Variants in SLC38A1 observed in about 807,000 individuals in gnomAD.
SLC38A1 encodes solute carrier family 38 member 1.
In SLC38A1, 18 loss-of-function variants were observed where a neutral mutation model predicts 60.3. The ratio of observed to expected loss-of-function variants is 0.30; its 90% confidence interval spans 0.21 to 0.44. The LOEUF is 0.44. SLC38A1 is among the 20% of genes least tolerant of loss of function. SLC38A1 has a pLI of 1.00. For synonymous variants in SLC38A1, 196 were observed against 212.1 expected, an observed-to-expected ratio of 0.92 and a Z score of 0.66; for missense variants, 448 against 587.2, an observed-to-expected ratio of 0.76 and a Z score of 2.45.
At chr12:46,204,949 C>T (rs955808194) in intron 9 of SLC38A1, among the ~76,000 whole-genome samples, 1 of 152,196 alleles carries the variant, frequency 6.6e-6, no homozygotes, top group Non-Finnish European at 1.5e-5. Context: ...CTGATGGAGT[C>T]CTATGGGCAA....
chr12:46,204,612 A>T (rs568271324), intron 9 of SLC38A1, 22 bp from the exon 10 acceptor site: 2 of 1,563,106 alleles, frequency 1.3e-6, no homozygotes, highest in Admixed American at 3.9e-5. Flanking sequence ...AGTAAAAAAT[A>T]AATTATTTCA....
intron 3 of SLC38A1, among the ~76,000 whole-genome samples, chr12:46,235,649 A>G (rs566312816): frequency 6.6e-6 from 1 of 152,346 alleles, no homozygotes; most frequent in East Asian, 1.9e-4. Flanking sequence ...CCTAAGGTAT[A>G]GAAAACATAG....
rs557554265 is a variant in SLC38A1, at chr12:46,198,259, T to C, written c.1123-199A>G. Among the ~76,000 whole-genome samples, 3 of 146,338 alleles carry C rather than the reference T, an allele frequency of 2.1e-5. No homozygotes were observed. The South Asian group carries it at 6.4e-4, about 31-fold the overall frequency. On this transcript the variant is annotated intron_variant, in intron 14 of 16. Coordinates refer to ENST00000398637, the MANE Select transcript of SLC38A1 (RefSeq NM_030674.4). ...GGAAAGTATTTTTATTTATGAGTAG[T>C]AGAGTTTTCTTGTTGGGGGGTGTAA...
intron 1 of SLC38A1, among the ~76,000 whole-genome samples, chr12:46,253,680 C>A (rs776574357): frequency 1.6e-4 from 24 of 152,180 alleles, no homozygotes; most frequent in Non-Finnish European, 3.2e-4. Context: ...TCTGGAAATG[C>A]AGCTCAGTGG....
intron 6 of SLC38A1, 98 bp from the exon 7 acceptor site, chr12:46,207,719 C>CT: frequency 8.6e-7 from 1 of 1,157,938 alleles, no homozygotes; most frequent in Non-Finnish European, 1.3e-6. Context: ...CCCCAAGTTA[C>CT]TATGTGCCTT....
intron 16 of SLC38A1, among the ~76,000 whole-genome samples, chr12:46,194,408 T>G (rs1939277618): frequency 6.6e-6 from 1 of 152,134 alleles, no homozygotes; most frequent in African/African-American, 2.4e-5. Flanking sequence ...GACAATTATG[T>G]GTCTTGGGGT....
chr12:46,208,181 C>T (rs1939993756), intron 6 of SLC38A1, among the ~76,000 whole-genome samples: 1 of 152,204 alleles, frequency 6.6e-6, no homozygotes, highest in African/African-American at 2.4e-5. Flanking sequence ...ATACATGCAA[C>T]TCACAAAAGA....
chr12:46,189,589 A>C (rs377707449), intron 16 of SLC38A1, among the ~76,000 whole-genome samples: 2 of 152,302 alleles, frequency 1.3e-5, no homozygotes, highest in African/African-American at 4.8e-5. Flanking sequence ...AGGGCTGATG[A>C]AGGCCATAGG....
chr12:46,186,394 G>A lies in SLC38A1; in HGVS notation c.*2576C>T, dbSNP rs1431897000. On this transcript the variant is annotated 3_prime_UTR_variant, in exon 17 of 17. Transcript: ENST00000398637. Reference sequence around the variant, plus strand: ...AAAACGTGCTGCTCCCCATGCCTAGGGTATAGTATTCTTTAATCTACTAAT... The same window carrying A: ...AAAACGTGCTGCTCCCCATGCCTAGAGTATAGTATTCTTTAATCTACTAAT... The A allele has an allele frequency of 6.6e-6, 1 of 152,044 alleles. No homozygotes were observed. Among genetic ancestry groups the A allele is most frequent in the African/African-American group, 2.4e-5 (1 of 41,384 alleles). 9.4% of individuals were successfully genotyped at this position (152,044 alleles called of 1,614,324 possible).
At chr12:46,227,619 A>G (rs932189164) in intron 5 of SLC38A1, among the ~76,000 whole-genome samples, 2 of 152,210 alleles carry the variant, frequency 1.3e-5, no homozygotes, top group African/African-American at 2.4e-5. Flanking sequence ...ACACTAGGTT[A>G]ATTTATAACT....
At chr12:46,250,559 C>T (rs1168842912) in intron 1 of SLC38A1, among the ~76,000 whole-genome samples, 1 of 152,214 alleles carries the variant, frequency 6.6e-6, no homozygotes, top group East Asian at 1.9e-4. Flanking sequence ...TCCCTATTTG[C>T]AGATGACATG....
chr12:46,195,128 T>A (rs1290025605), intron 16 of SLC38A1, among the ~76,000 whole-genome samples: 2 of 152,222 alleles, frequency 1.3e-5, no homozygotes, highest in Non-Finnish European at 2.9e-5. Context: ...TTGGTGTGGA[T>A]GTCCTTTTTG....
intron 5 of SLC38A1, among the ~76,000 whole-genome samples, chr12:46,211,313 T>C (rs1041181649): frequency 6.6e-6 from 1 of 152,198 alleles, no homozygotes; most frequent in South Asian, 2.1e-4. Context: ...TCTACTCTGC[T>C]AGGACCAAAG....
At chr12:46,208,928 T>A in intron 6 of SLC38A1, 126 bp downstream of exon 6, 1 of 688,826 alleles carries the variant, frequency 1.5e-6, no homozygotes. Flanking sequence ...CCAATCACTC[T>A]AGGTCAAAAT....
In SLC38A1 at chr12:46,188,938, A is replaced by T; in HGVS notation, c.*32T>A. Reference sequence around the variant, plus strand: ...GATGTGTGGGGACTTGACTGAGCAGACAACAGGGATGTTTCTTTTTCTCGG... The same window carrying T: ...GATGTGTGGGGACTTGACTGAGCAGTCAACAGGGATGTTTCTTTTTCTCGG... On this transcript the variant is annotated 3_prime_UTR_variant, in exon 17 of 17. Coordinates refer to ENST00000398637, the MANE Select transcript of SLC38A1 (RefSeq NM_030674.4). The T allele has an allele frequency of 6.3e-7, 1 of 1,579,098 alleles. No individual in the cohort carries two copies. The highest frequency in any genetic ancestry group is 1.7e-4 in the Middle Eastern group (1 of 5,984).
At chr12:46,207,115 A>G in intron 8 of SLC38A1, 40 bp downstream of exon 8, 1 of 1,354,250 alleles carries the variant, frequency 7.4e-7, no homozygotes, top group Non-Finnish European at 1.0e-6. Context: ...TAAATTAAAA[A>G]CATTTTAGTT....
chr12:46,198,594 T>C, intron 14 of SLC38A1, 31 bp downstream of exon 14: 1 of 1,458,930 alleles, frequency 6.9e-7, no homozygotes, highest in Non-Finnish European at 9.4e-7. Context: ...GACCTCAGCT[T>C]TTCTCATATT....
At position 46,188,101 on chromosome 12, in the gene SLC38A1, G is replaced by A. The variant is rs969563522; in HGVS notation, c.*869C>T. On this transcript the variant is annotated 3_prime_UTR_variant, in exon 17 of 17. Coordinates refer to ENST00000398637, the MANE Select transcript of SLC38A1 (RefSeq NM_030674.4). Reference sequence around the variant, plus strand: ...GGGTTGAAGGCTAAATGCATCAGAGGAGTATTTTCTTAGGCATTTTGGACA... The same window carrying A: ...GGGTTGAAGGCTAAATGCATCAGAGAAGTATTTTCTTAGGCATTTTGGACA... The A allele has an allele frequency of 6.6e-5, 10 of 152,118 alleles. No homozygotes were observed. The highest frequency in any genetic ancestry group is 2.4e-4 in the African/African-American group (10 of 41,410). The allele number at this position is 152,118 out of a possible 1,614,324, so 9.4% of individuals were successfully genotyped here.
At chr12:46,258,819 A>G (rs919877311) in intron 1 of SLC38A1, among the ~76,000 whole-genome samples, 40 of 152,172 alleles carry the variant, frequency 2.6e-4, no homozygotes, top group African/African-American at 8.4e-4. Flanking sequence ...ATGCCCAGCT[A>G]ATTTTTATAT....
Sources: gnomAD v4.1 joint callset for allele counts (sites outside exome capture counted in the v4.1 genomes callset) on GRCh38, gnomAD v4.1.1 for gene constraint, MANE v1.5 for transcripts, NCBI Gene and HGNC (gene_info 2026-07-23, HGNC 2026-07-21) for gene names.